Variants in CNTNAP5 observed in about 807,000 individuals in gnomAD.
The protein encoded by CNTNAP5 is contactin associated protein family member 5.
A neutral mutation model predicts 150.2 loss-of-function variants in CNTNAP5; 72 were observed. The ratio of observed to expected loss-of-function variants is 0.48; its 90% CI spans 0.40 to 0.58. The LOEUF is 0.58. CNTNAP5 is among the 20% of genes least tolerant of loss of function. CNTNAP5 has a pLI of 0.00. For missense variants in CNTNAP5, 1,636 were observed against 1,626.2 expected (o/e 1.01, Z -0.10); for synonymous variants, 672 against 619.8 (o/e 1.08, Z -1.25).
At chr2:124,130,226 AT>A (rs377612340) in intron 1 of CNTNAP5, among the ~76,000 whole-genome samples, 7 of 152,126 alleles carry the variant, frequency 4.6e-5, no homozygotes, top group African/African-American at 1.7e-4. Context: ...TTAGTGTTTA[AT>A]TTAGTTGGCT....
At chr2:124,045,266 G>A (rs569450263) in intron 1 of CNTNAP5, among the ~76,000 whole-genome samples, 23 of 147,606 alleles carry the variant, frequency 1.6e-4, no homozygotes, top group African/African-American at 3.7e-4. Flanking sequence ...AATGTCTTTC[G>A]CCAAACTTTG....
chr2:124,667,455 C>T (rs1678724248), intron 13 of CNTNAP5, among the ~76,000 whole-genome samples: 1 of 152,206 alleles, frequency 6.6e-6, no homozygotes, highest in African/African-American at 2.4e-5. Flanking sequence ...TAAACCTGCT[C>T]ATTGCACCTG....
At chr2:124,165,423 C>T (rs1684788960) in intron 1 of CNTNAP5, among the ~76,000 whole-genome samples, 1 of 152,154 alleles carries the variant, frequency 6.6e-6, no homozygotes, top group Non-Finnish European at 1.5e-5. Context: ...AACTGGTTCC[C>T]TTAACCTCTC....
intron 21 of CNTNAP5, among the ~76,000 whole-genome samples, chr2:124,871,956 A>T (rs2104727848): frequency 6.6e-6 from 1 of 152,060 alleles, no homozygotes; most frequent in South Asian, 2.1e-4. Context: ...ATTCTTCTAG[A>T]TCTAAATTAT....
intron 1 of CNTNAP5, among the ~76,000 whole-genome samples, chr2:124,090,668 A>G (rs1682792285): frequency 6.6e-6 from 1 of 152,212 alleles, no homozygotes; most frequent in Admixed American, 6.5e-5. Context: ...ACATAATCAC[A>G]AATGATAGCT....
At chr2:124,325,635 A>T (rs1689197884) in intron 3 of CNTNAP5, among the ~76,000 whole-genome samples, 1 of 152,200 alleles carries the variant, frequency 6.6e-6, no homozygotes. Context: ...TCATTAACAT[A>T]ATTTAAGACA....
chr2:124,189,148 T>A (rs1241564828), intron 1 of CNTNAP5, among the ~76,000 whole-genome samples: 1 of 152,164 alleles, frequency 6.6e-6, no homozygotes, highest in African/African-American at 2.4e-5. Flanking sequence ...GAAATATTTG[T>A]CAAGCAATTG....
At chr2:124,762,004 C>T (rs1277660556) in intron 14 of CNTNAP5, among the ~76,000 whole-genome samples, 2 of 152,020 alleles carry the variant, frequency 1.3e-5, no homozygotes, top group African/African-American at 4.8e-5. Context: ...ACATACAATT[C>T]TATTGCAGTA....
At chr2:124,076,518 T>C (rs1682441295) in intron 1 of CNTNAP5, among the ~76,000 whole-genome samples, 1 of 152,174 alleles carries the variant, frequency 6.6e-6, no homozygotes, top group Non-Finnish European at 1.5e-5. Flanking sequence ...GCTTTCCTTC[T>C]TTCTCAACTG....
chr2:124,846,370 G>A (rs1184680738), intron 19 of CNTNAP5, among the ~76,000 whole-genome samples: 1 of 152,114 alleles, frequency 6.6e-6, no homozygotes, highest in Non-Finnish European at 1.5e-5. Context: ...TGATTGGACT[G>A]CTGAGACTTT....
At chr2:124,489,399 C>T (rs1397875674) in intron 7 of CNTNAP5, among the ~76,000 whole-genome samples, 1 of 152,138 alleles carries the variant, frequency 6.6e-6, no homozygotes, top group Non-Finnish European at 1.5e-5. Context: ...GTCCTAATAT[C>T]ATTTTCTTAT....
intron 1 of CNTNAP5, among the ~76,000 whole-genome samples, chr2:124,213,925 G>T (rs1235930977): frequency 6.6e-6 from 1 of 152,152 alleles, no homozygotes; most frequent in Non-Finnish European, 1.5e-5. Flanking sequence ...AAGAAGGAAA[G>T]AGCTATATTC....
intron 19 of CNTNAP5, among the ~76,000 whole-genome samples, chr2:124,857,971 G>T (rs971102141): frequency 1.3e-5 from 2 of 152,174 alleles, no homozygotes; most frequent in African/African-American, 4.8e-5. Context: ...CTGTTCCAGA[G>T]AAATTATTTT....
At chr2:124,186,609 G>T (rs1005169843) in intron 1 of CNTNAP5, among the ~76,000 whole-genome samples, 3 of 152,080 alleles carry the variant, frequency 2.0e-5, no homozygotes, top group African/African-American at 7.2e-5. Context: ...ATCATCAAAA[G>T]CAGTGTTTAA....
intron 21 of CNTNAP5, among the ~76,000 whole-genome samples, chr2:124,898,131 T>C (rs2104755162): frequency 6.6e-6 from 1 of 151,548 alleles, no homozygotes; most frequent in African/African-American, 2.4e-5. Context: ...TTTTTACTTG[T>C]ATATACTTCT....
rs867856051 is a variant in CNTNAP5, at chr2:124,410,445, C to T, written c.382-6998C>T. Among the ~76,000 whole-genome samples the T allele has an allele frequency of 1.1e-4, 16 of 149,708 alleles. 1 individual carries two copies. The South Asian group carries it at 3.5e-3, about 33-fold the overall frequency. On this transcript the variant is annotated intron_variant, in intron 3 of 23. Transcript: ENST00000682447. Reference sequence around the variant, plus strand: ...ATATACATTTTTTTCAGCACCACACCACACCTATTCCAAAATTGACCACAT... The same window carrying T: ...ATATACATTTTTTTCAGCACCACACTACACCTATTCCAAAATTGACCACAT...
At chr2:124,839,398 C>A (rs1682895740) in intron 19 of CNTNAP5, among the ~76,000 whole-genome samples, 1 of 151,608 alleles carries the variant, frequency 6.6e-6, no homozygotes, top group African/African-American at 2.4e-5. Context: ...ACACAATCTG[C>A]CACCAAATCC....
At chr2:124,062,210 A>G (rs1201969061) in intron 1 of CNTNAP5, among the ~76,000 whole-genome samples, 1 of 152,182 alleles carries the variant, frequency 6.6e-6, no homozygotes, top group African/African-American at 2.4e-5. Context: ...TCCTACATGC[A>G]AAACTCTTCA....
intron 6 of CNTNAP5, among the ~76,000 whole-genome samples, chr2:124,464,609 G>A (rs972583049): frequency 1.5e-4 from 23 of 152,254 alleles, no homozygotes; most frequent in Non-Finnish European, 2.5e-4. Context: ...GTTACAAAAC[G>A]ATGACCCTGG....
Sources: allele counts gnomAD v4.1 joint callset (sites outside exome capture counted in the v4.1 genomes callset), GRCh38; gene constraint gnomAD v4.1.1; transcripts MANE v1.5; gene names NCBI Gene and HGNC (gene_info 2026-07-23, HGNC 2026-07-21).